PLXNA4: variants seen among roughly 807,000 people sequenced by gnomAD.
PLXNA4 encodes the protein plexin-A4.
Under a neutral mutation model 191.8 loss-of-function variants are expected in PLXNA4, and 44 were observed. The ratio of observed to expected loss-of-function variants is 0.23; its 90% CI spans 0.18 to 0.29. The LOEUF (loss-of-function observed/expected upper bound fraction) is 0.29, where lower values mean the gene tolerates loss of function less well. PLXNA4 is among the 10% of genes least tolerant of loss of function. The probability of loss-of-function intolerance (pLI) is 1.00; values close to 1 mark genes in which losing one functional copy is unlikely to be tolerated. For synonymous variants in PLXNA4, 1,082 were observed against 1,009.5 expected, an observed-to-expected ratio of 1.07 and a Z score of -1.36; for missense variants, 1,800 against 2,488.8, an observed-to-expected ratio of 0.72 and a Z score of 5.89.
chr7:132,202,426 A>C (rs1457712020), intron 12 of PLXNA4, among the ~76,000 whole-genome samples: 1 of 152,160 alleles, frequency 6.6e-6, no homozygotes, highest in Non-Finnish European at 1.5e-5. Flanking sequence ...TGGGCCCCTC[A>C]TTGAGGATAG....
intron 4 of PLXNA4, among the ~76,000 whole-genome samples, chr7:132,254,475 T>A (rs1192785174): frequency 6.6e-6 from 1 of 152,204 alleles, no homozygotes; most frequent in African/African-American, 2.4e-5. Context: ...GCTCAGCCAC[T>A]TATCAAAAAT....
In PLXNA4 at chr7:132,314,110, C is replaced by T. The variant is rs573382085; in HGVS notation, c.1372-15888G>A. On this transcript the variant is annotated intron_variant, in intron 3 of 31. Coordinates refer to ENST00000321063, the MANE Select transcript of PLXNA4 (RefSeq NM_020911.2). The stretch of plus-strand genomic sequence containing the variant: ...TTTGAGGAGCACAGGAAAGACACAC[C>T]GATTTAATTACCTTCTCTGCACCAT... Among the ~76,000 whole-genome samples the T allele has an allele frequency of 1.5e-4, 23 of 152,194 alleles. No homozygotes were observed. The South Asian group carries it at 1.7e-3, about 11-fold the overall frequency.
intron 3 of PLXNA4, among the ~76,000 whole-genome samples, chr7:132,431,492 T>C (rs55873420): frequency 1.1e-4 from 16 of 151,984 alleles, no homozygotes; most frequent in African/African-American, 3.6e-4. Flanking sequence ...AGAAAACTCA[T>C]AGCCCCAACA....
chr7:132,596,268 C>T (rs1038091171), intron 2 of PLXNA4, among the ~76,000 whole-genome samples: 6 of 152,200 alleles, frequency 3.9e-5, no homozygotes, highest in Non-Finnish European at 5.9e-5. Context: ...CCATCTTGAC[C>T]TACTAAACAC....
intron 4 of PLXNA4, among the ~76,000 whole-genome samples, chr7:132,250,207 G>A (rs1021006022): frequency 6.6e-6 from 1 of 152,166 alleles, no homozygotes; most frequent in African/African-American, 2.4e-5. Flanking sequence ...ATGTATTAGT[G>A]TTATGCTAAT....
At chr7:132,412,641 T>C (rs1423685240) in intron 3 of PLXNA4, among the ~76,000 whole-genome samples, 3 of 152,200 alleles carry the variant, frequency 2.0e-5, no homozygotes, top group Admixed American at 6.5e-5. Flanking sequence ...AGGTGACATG[T>C]TGAGGTTTGG....
Position 132,227,435 on chromosome 7 carries a change from C to A in PLXNA4, c.1882+16G>T. The A allele has an allele frequency of 1.9e-6, 3 of 1,614,058 alleles. No homozygotes were observed. The highest frequency in any genetic ancestry group is 2.5e-6 in the Non-Finnish European group (3 of 1,179,974). On this transcript the variant is annotated intron_variant, in intron 7 of 31. Coordinates refer to ENST00000321063, the MANE Select transcript of PLXNA4 (RefSeq NM_020911.2). ...GAGGAAGAAGTGCCACTCAGCTGTG[C>A]CTCCGGGATGCTCACCATTCTCTGT...
chr7:132,586,387 G>C (rs1426497832), intron 2 of PLXNA4, among the ~76,000 whole-genome samples: 1 of 152,194 alleles, frequency 6.6e-6, no homozygotes, highest in African/African-American at 2.4e-5. Flanking sequence ...GGGCATTTTG[G>C]TGTTGTCTTG....
intron 2 of PLXNA4, among the ~76,000 whole-genome samples, chr7:132,590,234 G>C (rs1802582020): frequency 6.6e-6 from 1 of 152,202 alleles, no homozygotes; most frequent in South Asian, 2.1e-4. Flanking sequence ...CTGAGGAAAT[G>C]AACTGAGGAA....
chr7:132,593,262 T>C (rs1802636053), intron 2 of PLXNA4, among the ~76,000 whole-genome samples: 1 of 152,160 alleles, frequency 6.6e-6, no homozygotes, highest in African/African-American at 2.4e-5. Context: ...AGCTCCAAGC[T>C]GGTTGGGTTA....
intron 16 of PLXNA4, among the ~76,000 whole-genome samples, chr7:132,184,201 C>T (rs1028828206): frequency 2.0e-5 from 3 of 152,216 alleles, no homozygotes; most frequent in African/African-American, 4.8e-5. Context: ...CAGTGAGAAG[C>T]CTGGTCCCAG....
chr7:132,298,085 C>A lies in PLXNA4; in HGVS notation c.1503+6G>T, dbSNP rs747956913. 3 of 1,614,140 alleles carry A rather than the reference C, an allele frequency of 1.9e-6. No individual in the cohort carries two copies. The highest frequency in any genetic ancestry group is 2.5e-6 in the Non-Finnish European group (3 of 1,180,026). On this transcript the variant is annotated splice_donor_region_variant and intron_variant, in intron 4 of 31. Coordinates refer to ENST00000321063, the MANE Select transcript of PLXNA4 (RefSeq NM_020911.2). ...CAAATGTCTAGCGGAGCCCGAAGAGCCTTACCTGCCTCTCTGACATGATGT... is the reference window on the plus strand; with the variant it reads ...CAAATGTCTAGCGGAGCCCGAAGAGACTTACCTGCCTCTCTGACATGATGT...
intron 24 of PLXNA4, among the ~76,000 whole-genome samples, chr7:132,161,800 T>C (rs1795958576): frequency 6.6e-6 from 1 of 152,132 alleles, no homozygotes; most frequent in Non-Finnish European, 1.5e-5. Flanking sequence ...TCTGACAGGC[T>C]ACCAGGTAGG....
At chr7:132,644,257 T>A (rs1178319502) in intron 2 of PLXNA4, among the ~76,000 whole-genome samples, 1 of 152,204 alleles carries the variant, frequency 6.6e-6, no homozygotes, top group Non-Finnish European at 1.5e-5. Context: ...GCCCACCTCA[T>A]GGGACGGTTG....
At chr7:132,496,433 T>C (rs1758585195) in intron 2 of PLXNA4, among the ~76,000 whole-genome samples, 3 of 152,100 alleles carry the variant, frequency 2.0e-5, no homozygotes, top group Admixed American at 2.0e-4. Context: ...GATGGAGTCC[T>C]GCTCTGTTAC....
At chr7:132,131,927 C>T (rs1003929651) in intron 31 of PLXNA4, among the ~76,000 whole-genome samples, 11 of 152,344 alleles carry the variant, frequency 7.2e-5, no homozygotes, top group Admixed American at 2.6e-4. Flanking sequence ...CTTGGGCCTG[C>T]TGGGTCTGCT....
intron 29 of PLXNA4, 22 bp downstream of exon 29, chr7:132,145,097 C>A: frequency 1.2e-6 from 2 of 1,613,718 alleles, no homozygotes; most frequent in South Asian, 1.1e-5. Context: ...CCCGATGTGC[C>A]CCCTGCCCTC....
chr7:132,142,731 G>A (rs1167542759), intron 29 of PLXNA4, among the ~76,000 whole-genome samples: 1 of 152,178 alleles, frequency 6.6e-6, no homozygotes, highest in African/African-American at 2.4e-5. Context: ...GTGAAAGTAG[G>A]GGTCATTCCA....
intron 3 of PLXNA4, among the ~76,000 whole-genome samples, chr7:132,479,668 G>T (rs1797264367): frequency 6.6e-6 from 1 of 152,056 alleles, no homozygotes; most frequent in Non-Finnish European, 1.5e-5. Context: ...CCATTTTTTT[G>T]GGATAGGGTC....
Sources: gnomAD v4.1 joint callset for allele counts (sites outside exome capture counted in the v4.1 genomes callset) on GRCh38, gnomAD v4.1.1 for gene constraint, MANE v1.5 for transcripts, NCBI Gene and HGNC (gene_info 2026-07-23, HGNC 2026-07-21) for gene names.